The following PRPF8 variants were observed in gnomAD, a reference collection of about 807,000 sequenced individuals.
PRPF8 encodes pre-mRNA processing factor 8, also known as pre-mRNA-processing-splicing factor 8.
PRPF8 carries 64 observed loss-of-function variants against 285.9 expected under a neutral mutation model. The ratio of observed to expected loss-of-function variants is 0.22; its 90% CI spans 0.18 to 0.28. The LOEUF (loss-of-function observed/expected upper bound fraction) is 0.28. Ranked by LOEUF, PRPF8 falls within the 10% of genes least tolerant of loss-of-function variation. PRPF8 has a pLI of 1.00. For missense variants in PRPF8, 1,426 were observed against 3,026.7 expected, an observed-to-expected ratio of 0.47 and a Z score of 12.41; for synonymous variants, 1,325 against 1,118.2, an observed-to-expected ratio of 1.18 and a Z score of -3.69.
At chr17:1,652,212 A>G (rs912045989) in intron 39 of PRPF8, 3 of 308,574 alleles carry the variant, frequency 9.7e-6, no homozygotes, top group African/African-American at 6.5e-5. Flanking sequence ...GATATTAACA[A>G]TCTTTTCAAA....
At position 1,673,416 on chromosome 17, in the gene PRPF8, A is replaced by G; in HGVS notation, c.3598T>C (p.Cys1200Arg). 6.2e-7 allele frequency: 1 copy of G among 1,614,092 alleles called. No homozygotes were observed. Residue 1200 changes from cysteine to arginine, a missense_variant, in exon 23 of 43, where the codon TGC becomes CGC. Physicochemically the swap from Cys to Arg is radical, Grantham distance 180. Transcript: ENST00000304992. This position sits in a 1 kb window ranked among gnomAD's most constrained non-coding sequence, Gnocchi z 5.5. ...CGFECRILPK[C>R]RTSYEEFTHK... Reference sequence around the variant, plus strand: ...GTGAACTCCTCATAGCTGGTGCGGCACTTAGGCAGGATGCGGCACTCGAAG... The same window carrying G: ...GTGAACTCCTCATAGCTGGTGCGGCGCTTAGGCAGGATGCGGCACTCGAAG...
Position 1,679,532 on chromosome 17 carries a change from G to A in PRPF8, c.1289+77C>T. 1 of 1,595,608 alleles carries A rather than the reference G, an allele frequency of 6.3e-7. No individual in the cohort carries two copies. The highest frequency in any genetic ancestry group is 1.4e-5 in the African/African-American group (1 of 73,674). ...AAAAAAAAAAGAATTTAAAAAAAAG[G>A]CTACATGCCCACCTAGTTGGAGTCT... On this transcript the variant is annotated intron_variant, in intron 9 of 42. Transcript: ENST00000304992. This position sits in a 1 kb window ranked among gnomAD's most constrained non-coding sequence, Gnocchi z 4.7.
At chr17:1,664,740 A>G (rs1186791700) in intron 24 of PRPF8, among the ~76,000 whole-genome samples, 1 of 152,208 alleles carries the variant, frequency 6.6e-6, no homozygotes, top group Non-Finnish European at 1.5e-5. Flanking sequence ...GCAGAAACTA[A>G]TAAGGGAAAC....
rs539236715 is a variant in PRPF8, at chr17:1,677,811, G to T, written c.1855-117C>A. On this transcript the variant is annotated intron_variant, in intron 13 of 42. Coordinates refer to ENST00000304992, the MANE Select transcript of PRPF8 (RefSeq NM_006445.4). ...TATACATACAGAGGAATGTAGGTAT[G>T]GCAGTAGAGGGGTAAAAAGAAAAAA... 11 of 1,319,868 alleles carry T rather than the reference G, an allele frequency of 8.3e-6. No homozygotes were observed. The South Asian group carries it at 1.4e-4, about 16-fold the overall frequency. The allele number at this position is 1,319,868 out of a possible 1,614,324, so 81.8% of individuals were successfully genotyped here.
At position 1,674,000 on chromosome 17, in the gene PRPF8, C is replaced by T; in HGVS notation, c.3300-108G>A. On this transcript the variant is annotated intron_variant, in intron 21 of 42. Coordinates refer to ENST00000304992, the MANE Select transcript of PRPF8 (RefSeq NM_006445.4). The surrounding 1 kb of genome is among the most constrained non-coding windows in gnomAD (Gnocchi z 5.5). The stretch of plus-strand genomic sequence containing the variant: ...GACCCCACCCCATCCTACCCCCACC[C>T]TCCCCGGGCTTCATTCCATTTTATT... The T allele has an allele frequency of 8.3e-7, 1 of 1,199,234 alleles. No individual in the cohort carries two copies. The highest frequency in any genetic ancestry group is 1.2e-6 in the Non-Finnish European group (1 of 831,166). 74.3% of individuals were successfully genotyped at this position (1,199,234 alleles called of 1,614,324 possible).
In PRPF8 at chr17:1,653,773, G is replaced by T. The variant is rs1238626529; in HGVS notation, c.6227+4C>A. The T allele has an allele frequency of 3.1e-6, 5 of 1,614,156 alleles. No individual in the cohort carries two copies. In the Admixed American group the frequency reaches 6.7e-5, roughly 22 times the overall value. Reference sequence around the variant, plus strand: ...TCCATCCCCACCCTCTTGCCCGACAGTACCTGACCCTCCACTCAGTCTTGG... The same window carrying T: ...TCCATCCCCACCCTCTTGCCCGACATTACCTGACCCTCCACTCAGTCTTGG... On this transcript the variant is annotated splice_donor_region_variant and intron_variant, in intron 38 of 42. Coordinates refer to ENST00000304992, the MANE Select transcript of PRPF8 (RefSeq NM_006445.4). This position sits in a 1 kb window ranked among gnomAD's most constrained non-coding sequence, Gnocchi z 4.9.
chr17:1,660,085 AG>A, intron 30 of PRPF8, 84 bp from the exon 31 acceptor site: 1 of 1,450,698 alleles, frequency 6.9e-7, no homozygotes. Flanking sequence ...ATGAGGCAAT[AG>A]GAGTCTCATC....
intron 11 of PRPF8, 67 bp from the exon 12 acceptor site, chr17:1,678,948 T>A: frequency 6.2e-7 from 1 of 1,613,728 alleles, no homozygotes; most frequent in Non-Finnish European, 8.5e-7. Flanking sequence ...TATGCCTTCA[T>A]CAGTAACCAG....
At chr17:1,683,786 G>GA (rs1300731441) in intron 2 of PRPF8, 85 bp from the exon 3 acceptor site, 2 of 1,517,640 alleles carry the variant, frequency 1.3e-6, no homozygotes, top group East Asian at 4.7e-5. Context: ...TCCTGTCAGT[G>GA]AGTGTGAGGG....
At position 1,650,687 on chromosome 17, in the gene PRPF8, T is replaced by C. The variant is rs759563389; in HGVS notation, c.*115A>G. The C allele has an allele frequency of 1.6e-6, 2 of 1,232,490 alleles. No individual in the cohort carries two copies. The highest frequency in any genetic ancestry group is 2.3e-5 in the East Asian group (1 of 42,908). 76.3% of individuals were successfully genotyped at this position (1,232,490 alleles called of 1,614,324 possible). A position where few individuals can be genotyped will look rare whatever the true frequency, so the allele number is the denominator to read the frequency against. On this transcript the variant is annotated 3_prime_UTR_variant, in exon 43 of 43. Coordinates refer to ENST00000304992, the MANE Select transcript of PRPF8 (RefSeq NM_006445.4). ...TTCAGGATGACAAGCCATCAGGAGG[T>C]CAACAACACAAGCACAGACAGAGGG... is the stretch of plus-strand genomic sequence containing the variant.
chr17:1,678,414 C>G, intron 13 of PRPF8, 104 bp downstream of exon 13: 1 of 1,430,022 alleles, frequency 7.0e-7, no homozygotes, highest in Non-Finnish European at 9.8e-7. Flanking sequence ...ACTCAGGAGG[C>G]GGAGGTTGCA....
rs1279432593 is a variant in PRPF8, at chr17:1,650,761, G to A, written c.*41C>T. 1.2e-6 allele frequency: 2 copies of A among 1,612,000 alleles called. No homozygotes were observed. The highest frequency in any genetic ancestry group is 1.1e-5 in the South Asian group (1 of 91,018). On this transcript the variant is annotated 3_prime_UTR_variant, in exon 43 of 43. Transcript: ENST00000304992. ...CAGCGGCCTGTCTGGAGGGGCTGAG[G>A]CTTCGGCCTCGGGAGGCTGAAGCAG...
At position 1,660,510 on chromosome 17, in the gene PRPF8, C is replaced by T. The variant is rs143237388; in HGVS notation, c.4707G>A (p.Leu1569=). The change falls in exon 30 of 43, where the codon CTG becomes CTA. Residue 1569 remains leucine (L), a synonymous_variant. Transcript: ENST00000304992. The stretch of plus-strand genomic sequence containing the variant: ...GGAAGATCTGGATGAGAGAGATCTT[C>T]AGCGTGGGGATCTTGCCGTGCATGA... ...GIFMHGKIPT[L]KISLIQIFRA... The T allele has an allele frequency of 7.2e-4, 1,161 of 1,614,196 alleles. 9 individuals are homozygous for T. In the African/African-American group the frequency reaches 0.01, roughly 15 times the overall value.
In PRPF8 at chr17:1,678,563, G is replaced by A. The variant is rs1469156999; in HGVS notation, c.1809C>T (p.Arg603=). ...TGAGATGCTTCAGGTCCTTGCACAT[G>A]CGAATCTGTCGCATCAGCTTGTATT... ...RYKYKLMRQI[R]MCKDLKHLIY... Residue 603 remains arginine (R), a synonymous_variant, in exon 13 of 43, where the codon CGC becomes CGT. Coordinates refer to ENST00000304992, the MANE Select transcript of PRPF8 (RefSeq NM_006445.4). 1.2e-6 allele frequency: 2 copies of A among 1,614,108 alleles called. No homozygotes were observed. The highest frequency in any genetic ancestry group is 1.7e-6 in the Non-Finnish European group (2 of 1,180,052).
chr17:1,678,712 C>A (rs376058476), intron 12 of PRPF8, 50 bp downstream of exon 12: 1 of 1,614,150 alleles, frequency 6.2e-7, no homozygotes. Context: ...TCAGCACAGG[C>A]TTCCTCCAGC....
chr17:1,680,702 G>GA (rs755961281), intron 8 of PRPF8, 24 bp downstream of exon 8: 3 of 1,586,418 alleles, frequency 1.9e-6, no homozygotes, highest in Non-Finnish European at 2.6e-6. Context: ...AGAGCTGAGG[G>GA]AAAGCATCCC....
intron 2 of PRPF8, 146 bp downstream of exon 2, chr17:1,684,326 A>T: frequency 1.2e-6 from 1 of 855,234 alleles, no homozygotes; most frequent in Non-Finnish European, 1.9e-6. Flanking sequence ...ATACGCGCTT[A>T]AAATGACTTG....
At position 1,651,102 on chromosome 17, in the gene PRPF8, AC is replaced by A; in HGVS notation, c.6853+5del. The A allele has an allele frequency of 6.2e-7, 1 of 1,614,006 alleles. No individual in the cohort carries two copies. Among genetic ancestry groups the A allele is most frequent in the Non-Finnish European group, 8.5e-7 (1 of 1,179,988 alleles). On this transcript the variant is annotated splice_donor_5th_base_variant and intron_variant, in intron 42 of 42. Transcript: ENST00000304992. The surrounding 1 kb of genome is among the most constrained non-coding windows in gnomAD (Gnocchi z 5.1). ...ATCCCCACATCCCCAGGCTCCTCCC[AC>A]TTACCCATGAAGTTGTAGTTCCACG...
Position 1,651,064 on chromosome 17 carries a change from T to C in PRPF8, c.6853+44A>G. The C allele has an allele frequency of 6.2e-7, 1 of 1,613,816 alleles. No individual in the cohort carries two copies. The highest frequency in any genetic ancestry group is 8.5e-7 in the Non-Finnish European group (1 of 1,179,660). On this transcript the variant is annotated intron_variant, in intron 42 of 42. Coordinates refer to ENST00000304992, the MANE Select transcript of PRPF8 (RefSeq NM_006445.4). This position sits in a 1 kb window ranked among gnomAD's most constrained non-coding sequence, Gnocchi z 5.1. ...AGTGCAAAGGGCGATGGCCTCACCTTATCCCTACTGCTATCCCCACATCCC... is the reference window on the plus strand; with the variant it reads ...AGTGCAAAGGGCGATGGCCTCACCTCATCCCTACTGCTATCCCCACATCCC...
Sources: allele counts gnomAD v4.1 joint callset (sites outside exome capture counted in the v4.1 genomes callset), GRCh38; gene constraint gnomAD v4.1.1; non-coding constraint Gnocchi (gnomAD v3.1); transcripts MANE v1.5; gene names NCBI Gene and HGNC (gene_info 2026-07-23, HGNC 2026-07-21).